The following ASPDH variants were observed in gnomAD, a reference collection of about 807,000 sequenced individuals.
ASPDH encodes aspartate dehydrogenase domain containing.
Under a neutral mutation model 30.5 loss-of-function variants are expected in ASPDH, and 25 were observed. The ratio of observed to expected loss-of-function variants is 0.82; its 90% CI spans 0.60 to 1.14. ASPDH has a LOEUF of 1.14. Among genes scored for constraint, ASPDH ranks in the 50% most tolerant of loss-of-function variants. ASPDH has a pLI of 0.00. For missense variants in ASPDH, 401 were observed against 381.5 expected (o/e 1.05, Z -0.43); for synonymous variants, 168 against 156.3 (o/e 1.07, Z -0.56).
In ASPDH at chr19:50,512,946, A is replaced by G. The variant is rs1367152577; in HGVS notation, c.263T>C (p.Leu88Pro). 16 of 1,613,444 alleles carry G rather than the reference A, an allele frequency of 9.9e-6. No homozygotes were observed. The highest frequency in any genetic ancestry group is 1.7e-5 in the Admixed American group (1 of 59,918). Residue 88 changes from leucine (L) to proline (P), a missense_variant, in exon 3 of 7, where the codon CTG becomes CCG. Transcript: ENST00000389208. ...KIIHESGAQI[L>P]RHANLLVGSP... is the part of the protein sequence containing the mutation. The stretch of plus-strand genomic sequence containing the variant: ...GCTTACCAGGAGATTGGCATGGCGC[A>G]GGATTTGTGCCCCAGATTCATGGAT...
chr19:50,512,324 T>C, intron 5 of ASPDH, 34 bp from the exon 6 acceptor site: 1 of 1,613,870 alleles, frequency 6.2e-7, no homozygotes. Context: ...CTGGAGAGCC[T>C]GGACTCAGCC....
upstream of ASPDH, chr19:50,515,062 C>A (rs1040370664): frequency 1.0e-6 from 1 of 985,388 alleles, no homozygotes. Flanking sequence ...TCTCTACCTT[C>A]TGACTCCTGC....
upstream of ASPDH, chr19:50,514,705 C>G: frequency 6.8e-7 from 1 of 1,476,430 alleles, no homozygotes; most frequent in East Asian, 2.5e-5. Context: ...GCTCCCTGCC[C>G]CCAGCCACCA....
At chr19:50,511,906 C>A in intron 6 of ASPDH, 133 bp from the exon 7 acceptor site, 1 of 729,762 alleles carries the variant, frequency 1.4e-6, no homozygotes. Flanking sequence ...CGGGACAGAG[C>A]CCTGGGGGTG....
At chr19:50,512,856 C>T (rs764219567) in intron 3 of ASPDH, 46 bp from the exon 4 acceptor site, 16 of 1,598,552 alleles carry the variant, frequency 1.0e-5, no homozygotes, top group African/African-American at 1.3e-5. Flanking sequence ...GGAAGGATAT[C>T]CACTTCAGGG....
chr19:50,514,161 G>T (rs567648795), upstream of ASPDH, among the ~76,000 whole-genome samples: 25 of 152,230 alleles, frequency 1.6e-4, no homozygotes, highest in African/African-American at 6.0e-4. Flanking sequence ...CTCTCTGGCC[G>T]GCCAGGTTGT....
upstream of ASPDH, chr19:50,514,561 C>G: frequency 6.2e-7 from 1 of 1,613,756 alleles, no homozygotes; most frequent in African/African-American, 1.3e-5. Flanking sequence ...GTCCGTCCCT[C>G]CCGTTCCCCA....
In ASPDH at chr19:50,513,416, C is replaced by T; in HGVS notation, c.53G>A (p.Gly18Glu). The change falls in exon 2 of 7, where the codon GGA (glycine) becomes GAA (glutamate). Residue 18 changes from glycine (G) to glutamate (E), a missense_variant and splice_region_variant. Gly to Glu is a moderately conservative substitution (Grantham distance 98). Coordinates refer to ENST00000389208, the MANE Select transcript of ASPDH (RefSeq NM_001114598.2). This position sits in a 1 kb window ranked among gnomAD's most constrained non-coding sequence, Gnocchi z 4.9. The part of the protein sequence containing the change: ...RVGVVGYGRL[G>E]QSLVSRLLAQ... The stretch of plus-strand genomic sequence containing the variant: ...CAAGAGGCGGGAGACGAGGGACTGT[C>T]CTGGGGAGAGGGAAAGGAGAGGGCT... 6.7e-7 allele frequency: 1 copy of T among 1,487,660 alleles called. No individual in the cohort carries two copies. Among genetic ancestry groups the T allele is most frequent in the South Asian group, 1.4e-5 (1 of 72,552 alleles). The allele number at this position is 1,487,660 out of a possible 1,614,324, so 92.2% of individuals were successfully genotyped here. A position where few individuals can be genotyped will look rare whatever the true frequency, so the allele number is the denominator to read the frequency against.
upstream of ASPDH, chr19:50,514,434 C>T (rs749375151): frequency 1.2e-6 from 2 of 1,613,634 alleles, no homozygotes; most frequent in Non-Finnish European, 1.7e-6. Context: ...CAGCCTCCGC[C>T]CCTGTCCACA....
Position 50,511,744 on chromosome 19 carries a change from T to A in ASPDH, c.838A>T (p.Ile280Phe). 3.1e-6 allele frequency: 4 copies of A among 1,309,332 alleles called. No homozygotes were observed. Among genetic ancestry groups the A allele is most frequent in the Non-Finnish European group, 3.9e-6 (4 of 1,023,486 alleles). The allele number at this position is 1,309,332 out of a possible 1,614,324, so 81.1% of individuals were successfully genotyped here. Residue 280 changes from isoleucine to phenylalanine, a missense_variant, in exon 7 of 7, where the codon ATC becomes TTC. Ile to Phe is a conservative substitution (Grantham distance 21). Coordinates refer to ENST00000389208, the MANE Select transcript of ASPDH (RefSeq NM_001114598.2). ...GAGGAGGCTTCTCAGCAGAGATGGA[T>A]CCCCGGCCTGGAGGGGAGCTGGCAG... ...ACCQLPSRPG[I>F]HLC is the part of the protein sequence containing the mutation.
At chr19:50,514,876 CAGAG>C (rs748469157), upstream of ASPDH, 11 of 984,960 alleles carry the variant, frequency 1.1e-5, no homozygotes, top group East Asian at 2.3e-4. Context: ...CGCGGGCAGA[CAGAG>C]AGGGGCCAAG....
upstream of ASPDH, chr19:50,514,576 G>A (rs975266388): frequency 4.8e-5 from 77 of 1,612,800 alleles, no homozygotes; most frequent in Non-Finnish European, 5.5e-5. Flanking sequence ...TCCCCAGCTC[G>A]CGTCAGCCCA....
In ASPDH at chr19:50,513,783, T is replaced by C. The variant is rs747302101; in HGVS notation, c.41A>G (p.Tyr14Cys). The change falls in exon 1 of 7, where the codon TAT becomes TGT. Residue 14 changes from tyrosine (Y) to cysteine (C), a missense_variant. Tyr to Cys is a radical substitution (Grantham distance 194, BLOSUM62 -2). Coordinates refer to ENST00000389208, the MANE Select transcript of ASPDH (RefSeq NM_001114598.2). This position sits in a 1 kb window ranked among gnomAD's most constrained non-coding sequence, Gnocchi z 4.9. ...GGTCAGGGACTCACCGAGGCGGCCA[T>C]AGCCCACCACGCCCACCCTCCACGG... ...RGPWRVGVVGYGRLGQSLVSR... is the reference protein window; with the variant it reads ...RGPWRVGVVGCGRLGQSLVSR... 2.4e-5 allele frequency: 37 copies of C among 1,550,518 alleles called. No individual in the cohort carries two copies. Among genetic ancestry groups the C allele is most frequent in the Non-Finnish European group, 3.1e-5 (35 of 1,146,320 alleles).
upstream of ASPDH, chr19:50,514,580 C>A (rs768391751): frequency 6.2e-7 from 1 of 1,612,236 alleles, no homozygotes; most frequent in Admixed American, 1.7e-5. Context: ...CAGCTCGCGT[C>A]AGCCCAGGAG....
Position 50,513,815 on chromosome 19 carries a change from G to C in ASPDH, c.9C>G (p.Asp3Glu), listed in dbSNP as rs1159825133. MADRGPWRVGVVG... is the reference protein window; with the variant it reads MAERGPWRVGVVG... ...CCACGCCCACCCTCCACGGGCCCCT[G>C]TCGGCCATGGCCCTGAGTGCGGTGT... The change falls in exon 1 of 7, where the codon GAC (aspartate) becomes GAG (glutamate). Residue 3 changes from aspartate to glutamate, a missense_variant. Asp to Glu is a conservative substitution (Grantham distance 45, BLOSUM62 2). Coordinates refer to ENST00000389208, the MANE Select transcript of ASPDH (RefSeq NM_001114598.2). The surrounding 1 kb of genome is among the most constrained non-coding windows in gnomAD (Gnocchi z 4.9). 3 of 1,550,636 alleles carry C rather than the reference G, an allele frequency of 1.9e-6. No homozygotes were observed. Among genetic ancestry groups the C allele is most frequent in the Non-Finnish European group, 2.6e-6 (3 of 1,146,794 alleles).
At position 50,512,345 on chromosome 19, in the gene ASPDH, C is replaced by T; in HGVS notation, c.653+15G>A. On this transcript the variant is annotated intron_variant, in intron 5 of 6. Coordinates refer to ENST00000389208, the MANE Select transcript of ASPDH (RefSeq NM_001114598.2). ...AGCCTGGACTCAGCCCAACACCCTG[C>T]TTAGCTCTGCTCACCTGGTATCAGC... is the stretch of plus-strand genomic sequence containing the variant. The T allele has an allele frequency of 6.2e-6, 10 of 1,613,920 alleles. No individual in the cohort carries two copies. Among genetic ancestry groups the T allele is most frequent in the Non-Finnish European group, 8.5e-6 (10 of 1,179,948 alleles).
chr19:50,514,435 C>T, upstream of ASPDH: 2 of 1,613,678 alleles, frequency 1.2e-6, no homozygotes, highest in Non-Finnish European at 1.7e-6. Flanking sequence ...AGCCTCCGCC[C>T]CTGTCCACAG....
rs777013338 is a variant in ASPDH at position 50,513,439 on chromosome 19, G to T, written c.53-23C>A. 32 of 1,464,738 alleles carry T rather than the reference G, an allele frequency of 2.2e-5. No individual in the cohort carries two copies. Among genetic ancestry groups the T allele is most frequent in the Middle Eastern group, 3.6e-4 (2 of 5,560 alleles). 90.7% of individuals were successfully genotyped at this position (1,464,738 alleles called of 1,614,324 possible). A position where few individuals can be genotyped will look rare whatever the true frequency, so the allele number is the denominator to read the frequency against. On this transcript the variant is annotated intron_variant, in intron 1 of 6. Coordinates refer to ENST00000389208, the MANE Select transcript of ASPDH (RefSeq NM_001114598.2). This position sits in a 1 kb window ranked among gnomAD's most constrained non-coding sequence, Gnocchi z 4.9. The stretch of plus-strand genomic sequence containing the variant: ...GTCCTGGGGAGAGGGAAAGGAGAGG[G>T]CTAGAGATCCAGAGAGAGGGGGACA...
At position 50,512,449 on chromosome 19, in the gene ASPDH, C is replaced by T. The variant is rs370240584; in HGVS notation, c.564G>A (p.Pro188=). The change falls in exon 5 of 7, where the codon CCG becomes CCA. Residue 188 remains proline, a synonymous_variant. Coordinates refer to ENST00000389208, the MANE Select transcript of ASPDH (RefSeq NM_001114598.2). ...GPVRGLCPFA[P]RNSNTMAAAA... ...CCGCCGCCATGGTGTTGGAATTTCG[C>T]GGGGCAAAGGGGCAGAGCCCACGGA... 4.0e-5 allele frequency: 64 copies of T among 1,608,528 alleles called. No individual in the cohort carries two copies. Among genetic ancestry groups the T allele is most frequent in the Middle Eastern group, 3.3e-4 (2 of 6,068 alleles).
Sources: allele counts gnomAD v4.1 joint callset (sites outside exome capture counted in the v4.1 genomes callset), GRCh38; gene constraint gnomAD v4.1.1; non-coding constraint Gnocchi (gnomAD v3.1); transcripts MANE v1.5; gene names NCBI Gene and HGNC (gene_info 2026-07-23, HGNC 2026-07-21).